The following SYT13 variants were observed in gnomAD, a reference collection of about 807,000 sequenced individuals.
The protein encoded by SYT13 is synaptotagmin 13.
Under a neutral mutation model 38.6 loss-of-function variants are expected in SYT13, and 21 were observed. That is an observed-to-expected ratio of 0.54 (90% CI 0.39 to 0.78). The LOEUF is 0.78. Among genes scored for constraint, SYT13 ranks in the 30% least tolerant of loss-of-function variants. SYT13 has a pLI of 0.00. For synonymous variants in SYT13, 241 were observed against 237.6 expected (o/e 1.01, Z -0.13); for missense variants, 495 against 548.7 (o/e 0.90, Z 0.98).
intron 2 of SYT13, 161 bp from the exon 3 acceptor site, chr11:45,254,565 A>G (rs1854719871): frequency 6.3e-6 from 6 of 945,204 alleles, no homozygotes; most frequent in Non-Finnish European, 6.0e-6. Context: ...GGTGGGGTCA[A>G]TGTCACAGCC....
At chr11:45,269,182 G>T (rs1370517405) in intron 1 of SYT13, among the ~76,000 whole-genome samples, 1 of 152,180 alleles carries the variant, frequency 6.6e-6, no homozygotes, top group African/African-American at 2.4e-5. Context: ...CGCCAAGATG[G>T]CAGAAGGAAA....
chr11:45,266,472 T>C (rs1221324728), intron 1 of SYT13, among the ~76,000 whole-genome samples: 1 of 151,462 alleles, frequency 6.6e-6, no homozygotes, highest in African/African-American at 2.4e-5. Flanking sequence ...CTTCTAGGTC[T>C]GGTACCATAA....
chr11:45,250,059 G>A (rs1050880685), intron 4 of SYT13, among the ~76,000 whole-genome samples: 9 of 152,140 alleles, frequency 5.9e-5, no homozygotes, highest in Non-Finnish European at 1.0e-4. Flanking sequence ...TGCAATGACT[G>A]AGGGCTCCAC....
rs1331282724 is a variant in SYT13 at position 45,241,282 on chromosome 11, T to C, written c.*2770A>G. ...TTAATTCATTAATTCACTCAACAAA[T>C]ATATATGAATATATATGGAGCACCC... On this transcript the variant is annotated 3_prime_UTR_variant, in exon 6 of 6. Transcript: ENST00000020926. 6.6e-6 allele frequency: 1 copy of C among 152,168 alleles called. No individual in the cohort carries two copies. Among genetic ancestry groups the C allele is most frequent in the Non-Finnish European group, 1.5e-5 (1 of 68,036 alleles). 9.4% of individuals were successfully genotyped at this position (152,168 alleles called of 1,614,324 possible). A position where few individuals can be genotyped will look rare whatever the true frequency, so the allele number is the denominator to read the frequency against.
intron 1 of SYT13, among the ~76,000 whole-genome samples, chr11:45,271,128 G>T (rs1296116802): frequency 1.3e-5 from 2 of 152,170 alleles, no homozygotes; most frequent in Admixed American, 6.5e-5. Context: ...TCAGCTAATT[G>T]ATCGAAGCAT....
intron 1 of SYT13, among the ~76,000 whole-genome samples, chr11:45,285,354 G>T (rs917219130): frequency 6.6e-6 from 1 of 152,220 alleles, no homozygotes; most frequent in Non-Finnish European, 1.5e-5. Context: ...GACGTCTGCA[G>T]AGACATCTTG....
rs780878604 is a variant in SYT13, at chr11:45,269,549, C to T, written c.184-13658G>A. ...CAAACTTTATTGTATTTAATCTTCA[C>T]GCAACTATAGATAAGTGCCTAATAT... On this transcript the variant is annotated intron_variant, in intron 1 of 5. Transcript: ENST00000020926. 1.9e-4 allele frequency: 212 copies of T among 1,090,910 alleles called. No homozygotes were observed. In the Middle Eastern group the frequency reaches 3.0e-3, roughly 16 times the overall value. 67.6% of individuals were successfully genotyped at this position (1,090,910 alleles called of 1,614,324 possible). A position where few individuals can be genotyped will look rare whatever the true frequency, so the allele number is the denominator to read the frequency against.
chr11:45,285,881 TG>T, intron 1 of SYT13, 143 bp downstream of exon 1: 1 of 650,022 alleles, frequency 1.5e-6, no homozygotes, highest in Non-Finnish European at 2.3e-6. Flanking sequence ...CTCCTTGACC[TG>T]TCCTCCAACG....
chr11:45,246,696 C>G (rs370781311), intron 4 of SYT13, among the ~76,000 whole-genome samples, 184 bp from the exon 5 acceptor site: 1 of 152,142 alleles, frequency 6.6e-6, no homozygotes, highest in Non-Finnish European at 1.5e-5. Flanking sequence ...GAATTCCATG[C>G]GGCATGCGCT....
chr11:45,277,507 A>G (rs1855024169), intron 1 of SYT13, among the ~76,000 whole-genome samples: 1 of 152,168 alleles, frequency 6.6e-6, no homozygotes, highest in South Asian at 2.1e-4. Context: ...AAATCTGTCT[A>G]TGGTCTACAA....
At position 45,244,114 on chromosome 11, in the gene SYT13, A is replaced by T; in HGVS notation, c.1219T>A (p.Trp407Arg). 1 of 1,612,498 alleles carries T rather than the reference A, an allele frequency of 6.2e-7. No individual in the cohort carries two copies. Among genetic ancestry groups the T allele is most frequent in the South Asian group, 1.1e-5 (1 of 91,046 alleles). The change falls in exon 6 of 6, where the codon TGG becomes AGG. Residue 407 changes from tryptophan to arginine, a missense_variant. By Grantham distance (101) the Trp-to-Arg change is moderately radical. Transcript: ENST00000020926. ...CGAGGGTTTTTGAGCATCTCCTCCC[A>T]GTGGCTGCGCTCAGAGCCCGAGGTG... ...LHTSGSERSHWEEMLKNPRRQ... is the reference protein window; with the variant it reads ...LHTSGSERSHREEMLKNPRRQ...
At chr11:45,245,070 T>C (rs915062422) in intron 5 of SYT13, among the ~76,000 whole-genome samples, 2 of 152,236 alleles carry the variant, frequency 1.3e-5, no homozygotes, top group African/African-American at 4.8e-5. Context: ...TGAGTTCTTC[T>C]CATCCGTACT....
intron 4 of SYT13, among the ~76,000 whole-genome samples, chr11:45,250,420 A>G (rs1457877451): frequency 6.6e-6 from 1 of 152,212 alleles, no homozygotes; most frequent in African/African-American, 2.4e-5. Context: ...TGAATGAGTG[A>G]ATGATGGCTG....
chr11:45,282,373 T>G (rs1407212177), intron 1 of SYT13, among the ~76,000 whole-genome samples: 1 of 152,108 alleles, frequency 6.6e-6, no homozygotes. Context: ...AGCAAAGAAC[T>G]GTGACTTGAA....
intron 1 of SYT13, among the ~76,000 whole-genome samples, chr11:45,282,780 T>C (rs1565400372): frequency 6.6e-6 from 1 of 152,328 alleles, no homozygotes; most frequent in South Asian, 2.1e-4. Context: ...ATGTCATTTT[T>C]TTCCTATCCA....
At chr11:45,269,679 C>G (rs7101799) in intron 1 of SYT13, among the ~76,000 whole-genome samples, 125,268 of 152,212 alleles carry the variant, frequency 0.82, 52,324 homozygotes, top group Non-Finnish European at 0.87. Flanking sequence ...CATATCCAAG[C>G]TCACATAGCT....
intron 1 of SYT13, among the ~76,000 whole-genome samples, chr11:45,257,221 A>T (rs915152393): frequency 6.6e-6 from 1 of 152,192 alleles, no homozygotes; most frequent in Admixed American, 6.5e-5. Context: ...AGAGACATTG[A>T]CAGGGATCTT....
At position 45,243,857 on chromosome 11, in the gene SYT13, T is replaced by G. The variant is rs1051018816; in HGVS notation, c.*195A>C. 1.7e-6 allele frequency: 1 copy of G among 603,750 alleles called. No individual in the cohort carries two copies. The highest frequency in any genetic ancestry group is 2.9e-6 in the Non-Finnish European group (1 of 348,420). 37.4% of individuals were successfully genotyped at this position (603,750 alleles called of 1,614,324 possible). A position where few individuals can be genotyped will look rare whatever the true frequency, so the allele number is the denominator to read the frequency against. On this transcript the variant is annotated 3_prime_UTR_variant, in exon 6 of 6. Coordinates refer to ENST00000020926, the MANE Select transcript of SYT13 (RefSeq NM_020826.3). ...CAGATGAGCAAAATGCATTCCTCAG[T>G]GTGACCCGCATATTCCATTTCCTGC...
intron 1 of SYT13, among the ~76,000 whole-genome samples, chr11:45,271,950 C>T (rs1854954742): frequency 6.6e-6 from 1 of 152,174 alleles, no homozygotes; most frequent in Admixed American, 6.5e-5. Context: ...AACCCAAGTG[C>T]CCATGAATGG....
Sources: allele counts gnomAD v4.1 joint callset (sites outside exome capture counted in the v4.1 genomes callset), GRCh38; gene constraint gnomAD v4.1.1; transcripts MANE v1.5; gene names NCBI Gene and HGNC (gene_info 2026-07-23, HGNC 2026-07-21).